GSR: variants seen among roughly 807,000 people sequenced by gnomAD.
The protein encoded by GSR is glutathione-disulfide reductase.
Under a neutral mutation model 56.5 loss-of-function variants are expected in GSR, and 48 were observed. The observed-to-expected ratio is 0.85, with a 90% CI of 0.67 to 1.08. The LOEUF is 1.08. Ranked by LOEUF, GSR falls within the 50% of genes least tolerant of loss-of-function variation. GSR has a pLI of 0.00. For synonymous variants in GSR, 264 were observed against 270.8 expected (o/e 0.97, Z 0.25); for missense variants, 694 against 703.3 (o/e 0.99, Z 0.15).
rs200821383 is a variant in GSR at position 30,681,905 on chromosome 8, T to A, written c.1285+25A>T. On this transcript the variant is annotated intron_variant, in intron 11 of 12. Coordinates refer to ENST00000221130, the MANE Select transcript of GSR (RefSeq NM_000637.5). ...GGGGAAAGAGGAAGGAAACCACAAA[T>A]GACCTTCAGTTTTTAAATACCTACC... 2,860 of 1,611,512 alleles carry A rather than the reference T, an allele frequency of 1.8e-3. 3 individuals carry two copies. The highest frequency in any genetic ancestry group is 2.2e-3 in the Non-Finnish European group (2,541 of 1,177,738).
At chr8:30,698,854 A>G (rs1390694968) in intron 6 of GSR, among the ~76,000 whole-genome samples, 1 of 133,896 alleles carries the variant, frequency 7.5e-6, no homozygotes, top group Non-Finnish European at 1.6e-5. Flanking sequence ...GCGCCAACAC[A>G]TTGGGTCCCT....
chr8:30,693,282 C>T (rs531524122), intron 7 of GSR, among the ~76,000 whole-genome samples: 1 of 152,282 alleles, frequency 6.6e-6, no homozygotes, highest in Non-Finnish European at 1.5e-5. Flanking sequence ...GTTAAATGGA[C>T]AGCCATTGTC....
intron 10 of GSR, among the ~76,000 whole-genome samples, chr8:30,682,505 C>G (rs898813738): frequency 6.6e-6 from 1 of 152,200 alleles, no homozygotes; most frequent in Non-Finnish European, 1.5e-5. Context: ...CGTGTTTCGA[C>G]TTGGGTCGCA....
At chr8:30,714,202 C>CTTTTTTTT (rs33969608) in intron 1 of GSR, among the ~76,000 whole-genome samples, 2 of 63,960 alleles carry the variant, frequency 3.1e-5, no homozygotes, top group African/African-American at 6.3e-5. Flanking sequence ...GTTCTATATG[C>CTTTTTTTT]TTTTTTTTTT....
chr8:30,727,776 C>T lies in GSR; in HGVS notation c.60G>A (p.Ala20=). 2 of 1,355,884 alleles carry T rather than the reference C, an allele frequency of 1.5e-6. No individual in the cohort carries two copies. Among genetic ancestry groups the T allele is most frequent in the Non-Finnish European group, 1.9e-6 (2 of 1,053,576 alleles). The allele number at this position is 1,355,884 out of a possible 1,614,324, so 84.0% of individuals were successfully genotyped here. ...AGAGPSWRRA[A]RAFRGFLLLL... is the part of the protein sequence containing the mutation. ...GCAGCAGGAAGCCTCGGAAGGCGCG[C>T]GCCGCCCGCCGCCAGCTCGGTCCCG... The change falls in exon 1 of 13, where the codon GCG becomes GCA. Residue 20 remains alanine, a synonymous_variant. Coordinates refer to ENST00000221130, the MANE Select transcript of GSR (RefSeq NM_000637.5).
intron 1 of GSR, among the ~76,000 whole-genome samples, chr8:30,719,120 T>C (rs1263503149): frequency 6.9e-6 from 1 of 145,812 alleles, no homozygotes; most frequent in Non-Finnish European, 1.5e-5. Flanking sequence ...TTTTTTTTTT[T>C]TTTTTGAGAC....
At chr8:30,688,953 A>G (rs1803263022) in intron 9 of GSR, among the ~76,000 whole-genome samples, 1 of 152,042 alleles carries the variant, frequency 6.6e-6, no homozygotes, top group Non-Finnish European at 1.5e-5. Flanking sequence ...AAAACAGAAA[A>G]GAAAGGAAAA....
chr8:30,686,701 C>G lies in GSR; in HGVS notation c.1041+2460G>C, dbSNP rs887895824. 2.6e-5 allele frequency among the ~76,000 whole-genome samples: 4 copies of G among 151,734 alleles called. No individual in the cohort carries two copies. The South Asian group carries it at 6.2e-4, about 24-fold the overall frequency. Reference sequence around the variant, plus strand: ...CAGAGCAAGACCCTATCCAACCCCCCCAAAAAAAGTTAGCAAATTTAGTTG... The same window carrying G: ...CAGAGCAAGACCCTATCCAACCCCCGCAAAAAAAGTTAGCAAATTTAGTTG... On this transcript the variant is annotated intron_variant, in intron 9 of 12. Coordinates refer to ENST00000221130, the MANE Select transcript of GSR (RefSeq NM_000637.5).
chr8:30,720,057 T>C (rs952408299), intron 1 of GSR, among the ~76,000 whole-genome samples: 6 of 151,860 alleles, frequency 4.0e-5, no homozygotes, highest in Non-Finnish European at 8.8e-5. Flanking sequence ...AAATAAAAAA[T>C]TTAAAAATTA....
At chr8:30,704,699 T>C (rs1359951511) in intron 4 of GSR, 1 of 152,194 alleles carries the variant, frequency 6.6e-6, no homozygotes, top group East Asian at 1.9e-4. Flanking sequence ...CTTTAACATA[T>C]TGGAACGTGC....
chr8:30,688,120 T>C (rs1803223508), intron 9 of GSR, among the ~76,000 whole-genome samples: 1 of 152,212 alleles, frequency 6.6e-6, no homozygotes, highest in Admixed American at 6.5e-5. Flanking sequence ...GAGAGACAGC[T>C]TCACATCTGT....
At chr8:30,685,837 C>G (rs925196182) in intron 9 of GSR, among the ~76,000 whole-genome samples, 2 of 151,780 alleles carry the variant, frequency 1.3e-5, no homozygotes, top group Non-Finnish European at 2.9e-5. Flanking sequence ...ATTCGCCAGG[C>G]ATGGTGGTGC....
At chr8:30,684,925 A>G (rs1803104445) in intron 9 of GSR, among the ~76,000 whole-genome samples, 1 of 143,804 alleles carries the variant, frequency 7.0e-6, no homozygotes, top group African/African-American at 2.6e-5. Context: ...ATTTTTTAAC[A>G]TACATTTATT....
rs189889384 is a variant in GSR, at chr8:30,695,216, T to G, written c.795+1164A>C. 2.6e-5 allele frequency among the ~76,000 whole-genome samples: 4 copies of G among 152,172 alleles called. No individual in the cohort carries two copies. In the East Asian group the frequency reaches 5.8e-4, roughly 22 times the overall value. On this transcript the variant is annotated intron_variant, in intron 7 of 12. Coordinates refer to ENST00000221130, the MANE Select transcript of GSR (RefSeq NM_000637.5). Reference sequence around the variant, plus strand: ...CACTTTCTTAAAATGCTATGAGATTTTTTTGCAGTTTTTTTGTTTTGTTTT... The same window carrying G: ...CACTTTCTTAAAATGCTATGAGATTGTTTTGCAGTTTTTTTGTTTTGTTTT...
chr8:30,706,118 G>A (rs1284760137), intron 4 of GSR, among the ~76,000 whole-genome samples: 1 of 151,626 alleles, frequency 6.6e-6, no homozygotes, highest in Non-Finnish European at 1.5e-5. Context: ...CGAGGCTGTA[G>A]TGAGCTGAGA....
chr8:30,681,063 C>CT (rs1802938339), intron 11 of GSR, 26 bp from the exon 12 acceptor site: 2 of 1,590,516 alleles, frequency 1.3e-6, no homozygotes, highest in South Asian at 1.1e-5. Context: ...AAAAAAGCAT[C>CT]TATCAGAAAA....
rs74518074 is a variant in GSR at position 30,709,906 on chromosome 8, TAAAA to T, written c.334-8_334-5del. ...GGACAGCTGTGTTCCACATTACCTG[TAAAA>T]AAAAAAAAAAAAAAGGATCCAAAAC... On this transcript the variant is annotated splice_region_variant and splice_polypyrimidine_tract_variant and intron_variant, in intron 2 of 12. Transcript: ENST00000221130. 737 of 997,210 alleles carry T rather than the reference TAAAA, an allele frequency of 7.4e-4. No homozygotes were observed. Among genetic ancestry groups the T allele is most frequent in the Non-Finnish European group, 9.1e-4 (640 of 706,818 alleles). 61.8% of individuals were successfully genotyped at this position (997,210 alleles called of 1,614,324 possible). A position where few individuals can be genotyped will look rare whatever the true frequency, so the allele number is the denominator to read the frequency against.
intron 1 of GSR, 83 bp downstream of exon 1, chr8:30,727,447 C>T: frequency 1.6e-6 from 2 of 1,273,484 alleles, no homozygotes; most frequent in Non-Finnish European, 1.1e-6. Flanking sequence ...GGGACAGGAT[C>T]GCCATAGGAA....
chr8:30,720,310 A>G (rs1162426613), intron 1 of GSR, among the ~76,000 whole-genome samples: 1 of 152,206 alleles, frequency 6.6e-6, no homozygotes, highest in African/African-American at 2.4e-5. Flanking sequence ...TTTGCTGCCT[A>G]AAATCTAATT....
Sources: gnomAD v4.1 joint callset for allele counts (sites outside exome capture counted in the v4.1 genomes callset) on GRCh38, gnomAD v4.1.1 for gene constraint, MANE v1.5 for transcripts, NCBI Gene and HGNC (gene_info 2026-07-23, HGNC 2026-07-21) for gene names.